CEP290: variants seen among roughly 807,000 people sequenced by gnomAD.
CEP290 encodes centrosomal protein of 290 kDa.
In CEP290, 317 loss-of-function variants were observed where a neutral mutation model predicts 344.9. That is an observed-to-expected ratio of 0.92 (90% CI 0.84 to 1.01). The LOEUF is 1.01. Ranked by LOEUF, CEP290 falls within the 50% of genes least tolerant of loss-of-function variation. CEP290 has a pLI of 0.00. For missense variants in CEP290, 2,754 were observed against 2,761.4 expected (o/e 1.00, Z 0.06); for synonymous variants, 932 against 895.8 (o/e 1.04, Z -0.72).
At chr12:88,115,253 A>C (rs1176064021) in intron 18 of CEP290, 71 bp from the exon 19 acceptor site, 15 of 905,006 alleles carry the variant, frequency 1.7e-5, no homozygotes, top group African/African-American at 3.4e-5. Context: ...TTTCAAGTTA[A>C]GAAAAGTTTG....
At chr12:88,056,517 A>C (rs186801002) in intron 49 of CEP290, among the ~76,000 whole-genome samples, 1 of 152,338 alleles carries the variant, frequency 6.6e-6, no homozygotes, top group African/African-American at 2.4e-5. Flanking sequence ...TTAGATTAGA[A>C]GGGAATGTTT....
intron 22 of CEP290, among the ~76,000 whole-genome samples, chr12:88,109,426 G>A (rs540293883): frequency 6.6e-6 from 1 of 152,082 alleles, no homozygotes; most frequent in Non-Finnish European, 1.5e-5. Context: ...AGTTTTATTA[G>A]ATAGAATAGT....
In CEP290 at chr12:88,096,939, T is replaced by C. The variant is rs1400211369; in HGVS notation, c.3052A>G (p.Lys1018Glu). The change falls in exon 27 of 54, where the codon AAG (lysine) becomes GAG (glutamate). Residue 1018 changes from lysine to glutamate, a missense_variant. Physicochemically the swap from Lys to Glu is moderately conservative, Grantham distance 56. Transcript: ENST00000552810. ...TGTTCAATAGTGTGAAGTTTTTCCT[T>C]GGTAATCTCCAGTTCTTTATTTATA... ...ESINKELEIT[K>E]EKLHTIEQAW... 2 of 1,583,894 alleles carry C rather than the reference T, an allele frequency of 1.3e-6. No homozygotes were observed. Among genetic ancestry groups the C allele is most frequent in the East Asian group, 2.3e-5 (1 of 44,108 alleles).
rs748471942 is a variant in CEP290, at chr12:88,079,202, G to A, written c.5254C>T (p.Arg1752Trp). ...KALSRALLEL[R>W]AEMTAAAEER... is the part of the protein sequence containing the mutation. ...TCAGCAGCTGCTGTCATTTCTGCCCGGAGTTCTAAAAGTGCCCGACTAAGT... is the reference window on the plus strand; with the variant it reads ...TCAGCAGCTGCTGTCATTTCTGCCCAGAGTTCTAAAAGTGCCCGACTAAGT... The change falls in exon 39 of 54, where the codon CGG becomes TGG. Residue 1752 changes from arginine to tryptophan, a missense_variant. Arg to Trp is a moderately radical substitution (Grantham distance 101, BLOSUM62 -3). Coordinates refer to ENST00000552810, the MANE Select transcript of CEP290 (RefSeq NM_025114.4). The A allele has an allele frequency of 1.4e-5, 22 of 1,594,232 alleles. No individual in the cohort carries two copies. Among genetic ancestry groups the A allele is most frequent in the Middle Eastern group, 1.7e-4 (1 of 6,040 alleles).
chr12:88,054,452 A>G (rs1477706255), intron 50 of CEP290, 39 bp from the exon 51 acceptor site: 1 of 1,404,318 alleles, frequency 7.1e-7, no homozygotes, highest in Admixed American at 1.9e-5. Flanking sequence ...AAGGTTTGCC[A>G]TGGAAATATG....
At chr12:88,137,676 A>G in intron 5 of CEP290, among the ~76,000 whole-genome samples, 1 of 152,028 alleles carries the variant, frequency 6.6e-6, no homozygotes. Flanking sequence ...CCTCCTTTCC[A>G]TCTCCTTGGC....
At chr12:88,085,436 G>A (rs1484376569) in intron 34 of CEP290, among the ~76,000 whole-genome samples, 4 of 151,926 alleles carry the variant, frequency 2.6e-5, no homozygotes, top group South Asian at 2.1e-4. Flanking sequence ...GAAAATCTAC[G>A]TTTCCTGAAA....
chr12:88,071,769 A>G lies in CEP290; in HGVS notation c.5855+12T>C. ...TACACATAATTAGTTTTATAATGAT[A>G]TTTAAACTCACTTGGCAAAAAGATC... On this transcript the variant is annotated intron_variant, in intron 42 of 53. Coordinates refer to ENST00000552810, the MANE Select transcript of CEP290 (RefSeq NM_025114.4). 6.4e-7 allele frequency: 1 copy of G among 1,573,384 alleles called. No homozygotes were observed. The highest frequency in any genetic ancestry group is 8.6e-7 in the Non-Finnish European group (1 of 1,161,588).
chr12:88,064,764 C>T (rs1362562959), intron 44 of CEP290, among the ~76,000 whole-genome samples: 1 of 151,992 alleles, frequency 6.6e-6, no homozygotes, highest in African/African-American at 2.4e-5. Flanking sequence ...GGAAATCAAC[C>T]CTGCTGATGT....
At chr12:88,114,088 T>A (rs1381823208) in intron 20 of CEP290, among the ~76,000 whole-genome samples, 6 of 151,910 alleles carry the variant, frequency 3.9e-5, no homozygotes, top group Admixed American at 3.9e-4. Flanking sequence ...ATGGGATAAG[T>A]GAAAGGAAAA....
rs1398701243 is a variant in CEP290 at position 88,111,706 on chromosome 12, T to C, written c.2205A>G (p.Lys735=). 1.3e-6 allele frequency: 2 copies of C among 1,581,552 alleles called. No homozygotes were observed. The highest frequency in any genetic ancestry group is 2.7e-5 in the African/African-American group (2 of 72,848). ...EAINYSQQLA[K]ANLKIDHLEK... is the part of the protein sequence containing the mutation. ...ATAAAATTCTCACCTTTAAATTAGC[T>C]TTTGCCAACTGCTGTGAATAATTTA... The change falls in exon 21 of 54, where the codon AAA becomes AAG. Residue 735 remains lysine (K), a synonymous_variant. Coordinates refer to ENST00000552810, the MANE Select transcript of CEP290 (RefSeq NM_025114.4).
In CEP290 at chr12:88,118,726, T is replaced by A; in HGVS notation, c.1540A>T (p.Met514Leu). ...TTTCTAAATTCAGTTAAATCAATCA[T>A]TGTCTTTGGTTCAAGGCCTACAATA... Reference protein sequence around the residue: ...RERVGLEPKTMIDLTEFRNSK... With the variant: ...RERVGLEPKTLIDLTEFRNSK... The change falls in exon 16 of 54, where the codon ATG (methionine) becomes TTG (leucine). Residue 514 changes from methionine to leucine, a missense_variant. Transcript: ENST00000552810. 1 of 1,611,810 alleles carries A rather than the reference T, an allele frequency of 6.2e-7. No individual in the cohort carries two copies. Among genetic ancestry groups the A allele is most frequent in the East Asian group, 2.2e-5 (1 of 44,788 alleles).
Position 88,053,648 on chromosome 12 carries a change from T to A in CEP290, c.7129+4A>T. Reference sequence around the variant, plus strand: ...TAGCTAACATGTTTTTTAAAATACATTACCAGGTATGGTGCTTTCAGCTCC... The same window carrying A: ...TAGCTAACATGTTTTTTAAAATACAATACCAGGTATGGTGCTTTCAGCTCC... On this transcript the variant is annotated splice_donor_region_variant and intron_variant, in intron 52 of 53. Transcript: ENST00000552810. The A allele has an allele frequency of 6.9e-7, 1 of 1,447,898 alleles. No individual in the cohort carries two copies. The highest frequency in any genetic ancestry group is 9.5e-7 in the Non-Finnish European group (1 of 1,056,988). The allele number at this position is 1,447,898 out of a possible 1,614,324, so 89.7% of individuals were successfully genotyped here. A position where few individuals can be genotyped will look rare whatever the true frequency, so the allele number is the denominator to read the frequency against.
intron 49 of CEP290, 142 bp downstream of exon 49, chr12:88,058,706 A>C (rs951590491): frequency 4.7e-5 from 39 of 825,192 alleles, no homozygotes; most frequent in Middle Eastern, 4.6e-4. Flanking sequence ...CTACAACAGA[A>C]AAAAAGTATT....
At chr12:88,080,491 G>A (rs1192138830) in intron 37 of CEP290, 96 bp from the exon 38 acceptor site, 11 of 835,608 alleles carry the variant, frequency 1.3e-5, no homozygotes, top group South Asian at 2.0e-5. Flanking sequence ...GTGCAGCAGC[G>A]CAATCTCGGC....
chr12:88,112,736 G>A (rs2038780641), intron 20 of CEP290, among the ~76,000 whole-genome samples: 1 of 152,070 alleles, frequency 6.6e-6, no homozygotes, highest in Non-Finnish European at 1.5e-5. Flanking sequence ...CTAGGTAGTA[G>A]ATTTGTAAAA....
intron 41 of CEP290, 60 bp downstream of exon 41, chr12:88,077,162 T>C: frequency 1.6e-5 from 23 of 1,483,576 alleles, no homozygotes; most frequent in South Asian, 6.4e-5. Flanking sequence ...TAATCAGCTA[T>C]GTATTTAACT....
chr12:88,079,149 T>C lies in CEP290; in HGVS notation c.5307A>G (p.Gln1769=). 2.5e-6 allele frequency: 4 copies of C among 1,605,374 alleles called. No homozygotes were observed. Among genetic ancestry groups the C allele is most frequent in the South Asian group, 2.2e-5 (2 of 88,916 alleles). Residue 1769 remains glutamine (Q), a synonymous_variant, in exon 39 of 54, where the codon CAA becomes CAG. Coordinates refer to ENST00000552810, the MANE Select transcript of CEP290 (RefSeq NM_025114.4). The part of the protein sequence containing the change: ...AEERIISATS[Q]KEAHLNVQQI... ...GTTGAACATTGAGATGGGCCTCTTT[T>C]TGAGAAGTTGCAGAAATAATACGTT...
intron 26 of CEP290, among the ~76,000 whole-genome samples, chr12:88,101,861 A>G (rs1055552188): frequency 1.3e-5 from 2 of 152,150 alleles, no homozygotes; most frequent in Non-Finnish European, 2.9e-5. Flanking sequence ...TTTCTATAAA[A>G]AGTAACATAA....
Sources: gnomAD v4.1 joint callset for allele counts (sites outside exome capture counted in the v4.1 genomes callset) on GRCh38, gnomAD v4.1.1 for gene constraint, MANE v1.5 for transcripts, NCBI Gene and HGNC (gene_info 2026-07-23, HGNC 2026-07-21) for gene names.